NRXN1: variants seen among roughly 807,000 people sequenced by gnomAD.
NRXN1 encodes the protein neurexin-1.
NRXN1 carries 39 observed loss-of-function variants against 150.9 expected under a neutral mutation model. That is an observed-to-expected ratio of 0.26 (90% CI 0.20 to 0.34). The LOEUF is 0.34. Among genes scored for constraint, NRXN1 ranks in the 10% least tolerant of loss-of-function variants. NRXN1 has a pLI of 1.00. For missense variants in NRXN1, 1,815 were observed against 1,949.9 expected, an observed-to-expected ratio of 0.93 and a Z score of 1.30; for synonymous variants, 924 against 757.0, an observed-to-expected ratio of 1.22 and a Z score of -3.62.
intron 18 of NRXN1, among the ~76,000 whole-genome samples, chr2:50,183,088 T>C (rs1438829612): frequency 6.6e-6 from 1 of 152,066 alleles, no homozygotes; most frequent in Non-Finnish European, 1.5e-5. Flanking sequence ...GCTGTGACTT[T>C]TGTTTCAGCC....
At chr2:50,709,425 A>G (rs1000774126) in intron 5 of NRXN1, among the ~76,000 whole-genome samples, 4 of 152,130 alleles carry the variant, frequency 2.6e-5, no homozygotes, top group African/African-American at 9.7e-5. Flanking sequence ...GGAGGATCTA[A>G]TCTACTCTGG....
chr2:50,962,532 T>C lies in NRXN1; in HGVS notation c.773-36577A>G, dbSNP rs1466898097. ...CCAAGTGCTTGGTTTGTTTGTTTGT[T>C]TGTTTGTTTGTTTGTTTAATTTCCC... is the stretch of plus-strand genomic sequence containing the variant. On this transcript the variant is annotated intron_variant, in intron 2 of 22. Transcript: ENST00000401669. 2.0e-5 allele frequency among the ~76,000 whole-genome samples: 3 copies of C among 151,542 alleles called. No individual in the cohort carries two copies. The Admixed American group carries it at 2.0e-4, about 10-fold the overall frequency.
chr2:50,107,526 T>C (rs1230723937), intron 18 of NRXN1, among the ~76,000 whole-genome samples: 2 of 127,170 alleles, frequency 1.6e-5, no homozygotes, highest in Admixed American at 1.6e-4. Context: ...ACTACATATA[T>C]ATATATATAT....
chr2:50,300,997 A>G (rs1362332194), intron 17 of NRXN1, among the ~76,000 whole-genome samples: 1 of 152,120 alleles, frequency 6.6e-6, no homozygotes, highest in African/African-American at 2.4e-5. Flanking sequence ...CGATCAGCTG[A>G]GTAGCCATCT....
chr2:50,456,770 G>A (rs1368624007), intron 17 of NRXN1, among the ~76,000 whole-genome samples: 1 of 151,742 alleles, frequency 6.6e-6, no homozygotes, highest in Non-Finnish European at 1.5e-5. Context: ...TAATACACTG[G>A]GCTTCATGCA....
At chr2:50,927,613 G>A (rs1245416376) in intron 2 of NRXN1, among the ~76,000 whole-genome samples, 1 of 151,878 alleles carries the variant, frequency 6.6e-6, no homozygotes, top group Non-Finnish European at 1.5e-5. Flanking sequence ...ATAATACAAA[G>A]ATATAAATTA....
At chr2:50,805,472 T>C (rs1024783949) in intron 5 of NRXN1, among the ~76,000 whole-genome samples, 1 of 152,028 alleles carries the variant, frequency 6.6e-6, no homozygotes, top group Admixed American at 6.6e-5. Flanking sequence ...CTGGCCGACA[T>C]GGCAAACCCC....
intron 17 of NRXN1, among the ~76,000 whole-genome samples, chr2:50,402,668 G>GT (rs1413294113): frequency 5.3e-5 from 8 of 151,680 alleles, no homozygotes; most frequent in Admixed American, 2.6e-4. Context: ...ATTGTTTTTT[G>GT]TCTATTTCTT....
intron 5 of NRXN1, among the ~76,000 whole-genome samples, chr2:50,651,578 A>G (rs1685640316): frequency 6.6e-6 from 1 of 152,050 alleles, no homozygotes; most frequent in African/African-American, 2.4e-5. Context: ...GGATTGCTTG[A>G]GCAGAGGAGA....
At chr2:50,752,462 C>T (rs1700705743) in intron 5 of NRXN1, among the ~76,000 whole-genome samples, 1 of 151,928 alleles carries the variant, frequency 6.6e-6, no homozygotes, top group African/African-American at 2.4e-5. Context: ...TAAAATTTTA[C>T]TGGAGGGAAC....
At position 51,007,026 on chromosome 2, in the gene NRXN1, C is replaced by A. The variant is rs76308624; in HGVS notation, c.772+20476G>T. ...CCTGCCTATCTGATGACAAACATAA[C>A]CCCAGTGCCTAAGCTCAATGACTTT... is the stretch of plus-strand genomic sequence containing the variant. On this transcript the variant is annotated intron_variant, in intron 2 of 22. Transcript: ENST00000401669. 4.3e-3 allele frequency among the ~76,000 whole-genome samples: 657 copies of A among 151,934 alleles called. 2 individuals are homozygous for A. Among genetic ancestry groups the A allele is most frequent in the Non-Finnish European group, 6.3e-3 (426 of 67,902 alleles).
chr2:49,982,992 T>C (rs1680234627), intron 21 of NRXN1, among the ~76,000 whole-genome samples: 2 of 152,176 alleles, frequency 1.3e-5, no homozygotes, highest in South Asian at 2.1e-4. Context: ...CTTTTCTATC[T>C]GGGGACGCCC....
intron 5 of NRXN1, among the ~76,000 whole-genome samples, chr2:50,906,957 C>T (rs1045163775): frequency 6.6e-6 from 1 of 151,888 alleles, no homozygotes; most frequent in East Asian, 2.0e-4. Flanking sequence ...GGTCTCTGAC[C>T]TTTTCCTGCC....
intron 7 of NRXN1, among the ~76,000 whole-genome samples, chr2:50,620,792 A>G (rs969499989): frequency 6.6e-6 from 1 of 152,172 alleles, no homozygotes; most frequent in Non-Finnish European, 1.5e-5. Context: ...AGGGAGAACC[A>G]AAGGAAAAAC....
intron 5 of NRXN1, among the ~76,000 whole-genome samples, chr2:50,754,916 A>G (rs1203250574): frequency 1.3e-5 from 2 of 151,884 alleles, no homozygotes; most frequent in East Asian, 3.9e-4. Context: ...TTTTTAAAAC[A>G]TAGCTTTCAT....
intron 17 of NRXN1, among the ~76,000 whole-genome samples, chr2:50,432,086 G>A (rs1385373560): frequency 2.0e-5 from 3 of 152,092 alleles, no homozygotes; most frequent in Admixed American, 1.3e-4. Context: ...AGCAATTTGC[G>A]GAGAAGACTT....
At chr2:50,944,602 A>G (rs1043481291) in intron 2 of NRXN1, among the ~76,000 whole-genome samples, 23 of 152,126 alleles carry the variant, frequency 1.5e-4, no homozygotes, top group Non-Finnish European at 1.3e-4. Flanking sequence ...TTTACCAACA[A>G]TTTTCTTATC....
intron 21 of NRXN1, among the ~76,000 whole-genome samples, chr2:49,985,327 C>T (rs751423571): frequency 7.2e-5 from 11 of 152,092 alleles, no homozygotes; most frequent in Non-Finnish European, 1.5e-4. Context: ...TTTGACATAA[C>T]TCATTCACCG....
At chr2:50,423,143 C>G (rs2084133410) in intron 17 of NRXN1, among the ~76,000 whole-genome samples, 1 of 152,166 alleles carries the variant, frequency 6.6e-6, no homozygotes, top group Non-Finnish European at 1.5e-5. Context: ...CCTTTCCTGT[C>G]TATCTTTACT....
Sources: allele counts gnomAD v4.1 joint callset (sites outside exome capture counted in the v4.1 genomes callset), GRCh38; gene constraint gnomAD v4.1.1; transcripts MANE v1.5; gene names NCBI Gene and HGNC (gene_info 2026-07-23, HGNC 2026-07-21).